Variants in REDIC1 observed in about 807,000 individuals in gnomAD.
REDIC1 encodes regulator of DNA class I crossover intermediates 1.
chr12:39,653,539 T>TTCTTCTTCTTCTTCTTCTTC, the REDIC1 span, among the ~76,000 whole-genome samples: 2 of 56,116 alleles, frequency 3.6e-5, no homozygotes, highest in African/African-American at 1.2e-4. Flanking sequence ...TCTTCTTCTT[T>TTCTTCTTCTTCTTCTTCTTC]TTCTTCTTCT....
chr12:39,876,936 T>C, the REDIC1 span, among the ~76,000 whole-genome samples: 3 of 152,192 alleles, frequency 2.0e-5, no homozygotes, highest in Non-Finnish European at 4.4e-5. Context: ...TTATTGACTG[T>C]AAGACCTTAA....
At chr12:39,729,530 G>C in the REDIC1 span, among the ~76,000 whole-genome samples, 1 of 152,164 alleles carries the variant, frequency 6.6e-6, no homozygotes, top group Non-Finnish European at 1.5e-5. Flanking sequence ...GTGACTGTTT[G>C]TTATGATTTC....
chr12:39,679,486 A>C, the REDIC1 span, among the ~76,000 whole-genome samples: 1 of 152,250 alleles, frequency 6.6e-6, no homozygotes, highest in East Asian at 1.9e-4. Flanking sequence ...TTCTTAAAGA[A>C]ATCATAGATG....
At chr12:39,653,017 T>C in the REDIC1 span, among the ~76,000 whole-genome samples, 1 of 152,078 alleles carries the variant, frequency 6.6e-6, no homozygotes, top group Admixed American at 6.5e-5. Context: ...CCTTTGCAAT[T>C]CCATATAAAT....
At chr12:39,721,211 C>A in the REDIC1 span, 1 of 1,613,354 alleles carries the variant, frequency 6.2e-7, no homozygotes, top group South Asian at 1.1e-5. Context: ...AATATTAAGG[C>A]AGATACCACT....
chr12:39,885,425 T>C, the REDIC1 span, among the ~76,000 whole-genome samples: 1 of 152,170 alleles, frequency 6.6e-6, no homozygotes, highest in African/African-American at 2.4e-5. Context: ...AGAGAATCTC[T>C]GTACCAAATA....
At chr12:39,797,921 A>C in the REDIC1 span, among the ~76,000 whole-genome samples, 6 of 152,198 alleles carry the variant, frequency 3.9e-5, no homozygotes, top group African/African-American at 1.4e-4. Flanking sequence ...AATATCCCCC[A>C]GTGATCTTAC....
chr12:39,696,498 C>T, the REDIC1 span, among the ~76,000 whole-genome samples: 7 of 132,478 alleles, frequency 5.3e-5, no homozygotes, highest in South Asian at 1.7e-3. Context: ...AGCCGAGATC[C>T]CGCCACTGCA....
chr12:39,803,860 C>T, the REDIC1 span, among the ~76,000 whole-genome samples: 1 of 151,794 alleles, frequency 6.6e-6, no homozygotes, highest in African/African-American at 2.4e-5. Context: ...TGATGGAAAA[C>T]AAGAATCTTC....
the REDIC1 span, among the ~76,000 whole-genome samples, chr12:39,824,764 G>C: frequency 6.6e-6 from 1 of 152,080 alleles, no homozygotes; most frequent in Non-Finnish European, 1.5e-5. Flanking sequence ...GAGTGCTAGA[G>C]GGCAGCAGGA....
chr12:39,783,735 G>GT, the REDIC1 span, among the ~76,000 whole-genome samples: 118 of 152,200 alleles, frequency 7.8e-4, 1 homozygote, highest in African/African-American at 2.8e-3. Flanking sequence ...TTGTAAATTT[G>GT]TTTGAGTTCT....
At chr12:39,896,346 A>G in the REDIC1 span, among the ~76,000 whole-genome samples, 1 of 135,040 alleles carries the variant, frequency 7.4e-6, no homozygotes, top group Non-Finnish European at 1.6e-5. Context: ...GTATACATAT[A>G]TGTATGTATA....
chr12:39,781,427 A>T, the REDIC1 span, among the ~76,000 whole-genome samples: 1 of 152,148 alleles, frequency 6.6e-6, no homozygotes. Context: ...CCTCCACGTC[A>T]CCTGCCATTG....
the REDIC1 span, among the ~76,000 whole-genome samples, chr12:39,800,594 C>G: frequency 2.6e-5 from 2 of 77,496 alleles, no homozygotes; most frequent in Non-Finnish European, 5.1e-5. Context: ...AGTCAGGAAA[C>G]AACAGGTGCT....
At chr12:39,712,331 T>G in the REDIC1 span, among the ~76,000 whole-genome samples, 49 of 111,086 alleles carry the variant, frequency 4.4e-4, 1 homozygote, top group Admixed American at 2.5e-3. Flanking sequence ...TACATATGTT[T>G]ATATACCTGT....
chr12:39,832,589 C>G, the REDIC1 span, among the ~76,000 whole-genome samples: 2 of 151,984 alleles, frequency 1.3e-5, no homozygotes, highest in African/African-American at 4.8e-5. Flanking sequence ...TTCCTGTGAC[C>G]TACTATGTGC....
the REDIC1 span, among the ~76,000 whole-genome samples, chr12:39,659,511 A>G: frequency 1.3e-5 from 2 of 151,978 alleles, no homozygotes; most frequent in Admixed American, 6.6e-5. Context: ...TTATATTACT[A>G]TATCTTCCAC....
the REDIC1 span, among the ~76,000 whole-genome samples, chr12:39,839,180 G>A: frequency 6.6e-6 from 1 of 152,008 alleles, no homozygotes; most frequent in African/African-American, 2.4e-5. Flanking sequence ...TGGTTTACCA[G>A]AGAACACCGC....
At chr12:39,700,905 C>G in the REDIC1 span, among the ~76,000 whole-genome samples, 2 of 152,044 alleles carry the variant, frequency 1.3e-5, no homozygotes, top group African/African-American at 4.8e-5. Flanking sequence ...TTGTCACCAC[C>G]AGGCCTGCCC....
Sources: gnomAD v4.1 joint callset for allele counts (sites outside exome capture counted in the v4.1 genomes callset) on GRCh38, gnomAD v4.1.1 for gene constraint, MANE v1.5 for transcripts, NCBI Gene and HGNC (gene_info 2026-07-23, HGNC 2026-07-21) for gene names.